The following CACNB4 variants were observed in gnomAD, a reference collection of about 807,000 sequenced individuals.
CACNB4 encodes calcium voltage-gated channel auxiliary subunit beta 4.
Under a neutral mutation model 71.2 loss-of-function variants are expected in CACNB4, and 32 were observed. The ratio of observed to expected loss-of-function variants is 0.45; its 90% CI spans 0.34 to 0.60. The LOEUF (loss-of-function observed/expected upper bound fraction) is 0.60. Among genes scored for constraint, CACNB4 ranks in the 20% least tolerant of loss-of-function variants. The pLI, the probability that CACNB4 is intolerant of heterozygous loss-of-function variation, is 0.01. For synonymous variants in CACNB4, 231 were observed against 236.9 expected (o/e 0.97, Z 0.23); for missense variants, 464 against 647.9 (o/e 0.72, Z 3.08).
chr2:152,019,796 A>T (rs961566555), intron 2 of CACNB4, among the ~76,000 whole-genome samples: 2 of 152,218 alleles, frequency 1.3e-5, no homozygotes, highest in Non-Finnish European at 2.9e-5. Flanking sequence ...GTGCTCCTCA[A>T]TGAAATTAGT....
chr2:151,915,757 G>C lies in CACNB4; in HGVS notation c.148-32387C>G, dbSNP rs1026425570. Among the ~76,000 whole-genome samples the C allele has an allele frequency of 2.7e-5, 4 of 150,734 alleles. No individual in the cohort carries two copies. The East Asian group carries it at 7.9e-4, about 30-fold the overall frequency. On this transcript the variant is annotated intron_variant, in intron 2 of 13. Coordinates refer to ENST00000539935, the MANE Select transcript of CACNB4 (RefSeq NM_000726.5). Reference sequence around the variant, plus strand: ...AGCTACTCAGGAAACTGAGGCAGGAGAATTGCTTGAACCTGGGAGGCAGAG... The same window carrying C: ...AGCTACTCAGGAAACTGAGGCAGGACAATTGCTTGAACCTGGGAGGCAGAG...
chr2:151,999,625 G>A (rs555927085), intron 2 of CACNB4, among the ~76,000 whole-genome samples: 4 of 152,262 alleles, frequency 2.6e-5, no homozygotes, highest in South Asian at 2.1e-4. Flanking sequence ...AGCCAGAGCC[G>A]AGAGCCAATG....
chr2:151,985,190 T>G (rs189672019), intron 2 of CACNB4, among the ~76,000 whole-genome samples: 23 of 152,336 alleles, frequency 1.5e-4, no homozygotes, highest in African/African-American at 5.3e-4. Context: ...ATGATTACTG[T>G]TAATATTTTG....
In CACNB4 at chr2:152,067,731, ATAGCAAT is replaced by A. The variant is rs1686425499; in HGVS notation, c.147+30592_147+30598del. ...CGCCCTATTGCTGGTGGTAAGTAGG[ATAGCAAT>A]CATCGCAGGCATACAGTAGCATCAC... On this transcript the variant is annotated intron_variant, in intron 2 of 13. Transcript: ENST00000539935. Among the ~76,000 whole-genome samples, 4 of 152,316 alleles carry A rather than the reference ATAGCAAT, an allele frequency of 2.6e-5. No homozygotes were observed. The South Asian group carries it at 8.3e-4, about 32-fold the overall frequency.
At chr2:152,087,978 A>T (rs1687752903) in intron 2 of CACNB4, among the ~76,000 whole-genome samples, 1 of 152,216 alleles carries the variant, frequency 6.6e-6, no homozygotes, top group Admixed American at 6.5e-5. Flanking sequence ...AAATGTCCAG[A>T]GTGAGCAAAT....
In CACNB4 at chr2:151,837,097, A is replaced by T. The variant is rs895674225; in HGVS notation, c.*2022T>A. On this transcript the variant is annotated 3_prime_UTR_variant, in exon 14 of 14. Coordinates refer to ENST00000539935, the MANE Select transcript of CACNB4 (RefSeq NM_000726.5). ...TTCTAACAAAGTATTCAGTAATGGC[A>T]GGTTATATGTTTATTAAAGTGCCTA... The T allele has an allele frequency of 1.1e-3, 166 of 152,134 alleles. 1 individual carries two copies. Among genetic ancestry groups the T allele is most frequent in the African/African-American group, 3.7e-3 (155 of 41,574 alleles). The allele number at this position is 152,134 out of a possible 1,614,324, so 9.4% of individuals were successfully genotyped here.
chr2:152,072,386 T>C (rs1022628534), intron 2 of CACNB4, among the ~76,000 whole-genome samples: 4 of 152,216 alleles, frequency 2.6e-5, no homozygotes, highest in Non-Finnish European at 1.5e-5. Flanking sequence ...AATATTAAAT[T>C]TTAAGGAAAT....
intron 2 of CACNB4, among the ~76,000 whole-genome samples, chr2:151,978,698 G>A (rs944621867): frequency 3.3e-5 from 5 of 152,122 alleles, no homozygotes; most frequent in South Asian, 2.1e-4. Context: ...ATCATTCTCC[G>A]CCTGGGTTCT....
At chr2:151,956,554 T>C (rs983246443) in intron 2 of CACNB4, among the ~76,000 whole-genome samples, 1 of 152,088 alleles carries the variant, frequency 6.6e-6, no homozygotes, top group African/African-American at 2.4e-5. Context: ...TGCTAATAGG[T>C]ATGAGTTTTC....
chr2:151,926,090 T>G (rs1288929628), intron 2 of CACNB4, among the ~76,000 whole-genome samples: 1 of 152,166 alleles, frequency 6.6e-6, no homozygotes, highest in Non-Finnish European at 1.5e-5. Flanking sequence ...ATACATTGAA[T>G]ATTTTAAAGC....
At chr2:151,977,288 C>T (rs986937336) in intron 2 of CACNB4, among the ~76,000 whole-genome samples, 1 of 152,204 alleles carries the variant, frequency 6.6e-6, no homozygotes, top group Admixed American at 6.5e-5. Context: ...GAAAAAGCAT[C>T]ATCTCTATGA....
At chr2:151,973,874 C>T in intron 2 of CACNB4, 2 of 1,461,750 alleles carry the variant, frequency 1.4e-6, no homozygotes, top group Non-Finnish European at 1.8e-6. Flanking sequence ...TCACATCCCA[C>T]AGGGTGAGGT....
intron 2 of CACNB4, among the ~76,000 whole-genome samples, chr2:151,939,119 C>T (rs908568303): frequency 2.6e-5 from 4 of 152,190 alleles, no homozygotes; most frequent in African/African-American, 9.7e-5. Context: ...CCTCAGTCAG[C>T]AGCACCCACA....
intron 2 of CACNB4, among the ~76,000 whole-genome samples, chr2:151,896,593 T>A (rs1414901442): frequency 6.6e-6 from 1 of 152,152 alleles, no homozygotes; most frequent in African/African-American, 2.4e-5. Flanking sequence ...CATTTGGAGT[T>A]TGGAGTGGTA....
chr2:151,855,834 T>TA (rs890489551), intron 10 of CACNB4, among the ~76,000 whole-genome samples: 14 of 152,268 alleles, frequency 9.2e-5, no homozygotes, highest in Admixed American at 1.3e-4. Flanking sequence ...ATGCTTCTTT[T>TA]AAAAAAACCC....
intron 2 of CACNB4, among the ~76,000 whole-genome samples, chr2:152,046,419 G>A (rs1457000960): frequency 6.6e-6 from 1 of 152,198 alleles, no homozygotes; most frequent in Non-Finnish European, 1.5e-5. Context: ...CAATCACTAA[G>A]ATGATAATCT....
In CACNB4 at chr2:152,076,136, C is replaced by CTTTTTTTT. The variant is rs35400714; in HGVS notation, c.147+22186_147+22193dup. ...AGGACATGTGATTACCACCTCTTTT[C>CTTTTTTTT]TTTTTTTTTTTTTTTTTTTTTTTTG... On this transcript the variant is annotated intron_variant, in intron 2 of 13. Transcript: ENST00000539935. Among the ~76,000 whole-genome samples, 568 of 71,164 alleles carry CTTTTTTTT rather than the reference C, an allele frequency of 8.0e-3. 3 individuals carry two copies. The highest frequency in any genetic ancestry group is 0.017 in the Middle Eastern group (1 of 58). The allele number at this position is 71,164 out of a possible 152,430, so 46.7% of individuals were successfully genotyped here.
At chr2:152,074,977 A>G (rs10803935) in intron 2 of CACNB4, among the ~76,000 whole-genome samples, 150,894 of 152,266 alleles carry the variant, frequency 0.99, 74,788 homozygotes, top group Middle Eastern at 1. Context: ...ACAGAGAAAC[A>G]GGCAGAGGCT....
intron 2 of CACNB4, among the ~76,000 whole-genome samples, chr2:152,031,057 G>A (rs1024624101): frequency 2.6e-5 from 4 of 152,162 alleles, no homozygotes; most frequent in Admixed American, 2.0e-4. Context: ...GTATTGCCAC[G>A]GGACTAGCAA....
Sources: allele counts gnomAD v4.1 joint callset (sites outside exome capture counted in the v4.1 genomes callset), GRCh38; gene constraint gnomAD v4.1.1; transcripts MANE v1.5; gene names NCBI Gene and HGNC (gene_info 2026-07-23, HGNC 2026-07-21).